Variants in OR1L6 observed in about 807,000 individuals in gnomAD.
The protein encoded by OR1L6 is olfactory receptor family 1 subfamily L member 6.
A neutral mutation model predicts 3.0 loss-of-function variants in OR1L6; 2 were observed. That is an observed-to-expected ratio of 0.68 (90% CI 0.28 to 2.13). The LOEUF is 2.13. Among genes scored for constraint, OR1L6 ranks in the 30% most tolerant of loss-of-function variants. The pLI is 0.14. For synonymous variants in OR1L6, 121 were observed against 148.4 expected (o/e 0.82, Z 1.34); for missense variants, 304 against 378.4 (o/e 0.80, Z 1.63).
chr9:122,748,936 T>C (rs1828862079), intron 1 of OR1L6, among the ~76,000 whole-genome samples: 1 of 150,396 alleles, frequency 6.6e-6, no homozygotes. Context: ...TATTCCATTG[T>C]GTGTGTGTGT....
At chr9:122,745,435 T>C (rs1480195089) in intron 1 of OR1L6, among the ~76,000 whole-genome samples, 1 of 102,738 alleles carries the variant, frequency 9.7e-6, no homozygotes, top group African/African-American at 4.0e-5. Context: ...TTATTTGAGA[T>C]GGAGTCTCGG....
chr9:122,749,570 T>G (rs1193050177), intron 1 of OR1L6, among the ~76,000 whole-genome samples: 2 of 152,006 alleles, frequency 1.3e-5, no homozygotes, highest in Non-Finnish European at 2.9e-5. Flanking sequence ...TAGCCGGGCG[T>G]GGTGGCGGAT....
At chr9:122,747,982 G>A (rs1279146939) in intron 1 of OR1L6, among the ~76,000 whole-genome samples, 1 of 151,918 alleles carries the variant, frequency 6.6e-6, no homozygotes, top group Non-Finnish European at 1.5e-5. Context: ...TTATAATCCT[G>A]TAATATTTGA....
chr9:122,743,505 A>G (rs1402447628), intron 1 of OR1L6, among the ~76,000 whole-genome samples: 2 of 152,242 alleles, frequency 1.3e-5, no homozygotes, highest in Admixed American at 1.3e-4. Flanking sequence ...AAGGACCTGC[A>G]GAATCCCCAA....
Position 122,750,779 on chromosome 9 carries a change from G to A in OR1L6, c.932G>A (p.Arg311Gln), listed in dbSNP as rs141765322. The A allele has an allele frequency of 9.7e-5, 154 of 1,594,924 alleles. No individual in the cohort carries two copies. The highest frequency in any genetic ancestry group is 1.2e-4 in the Non-Finnish European group (145 of 1,170,308). The part of the protein sequence containing the change: ...GLKKLQDRIY[R>Q] ...AAGAAATTACAGGACAGAATTTACCGGTAAAAGGAACAAAATGTTGGTGTG... is the reference window on the plus strand; with the variant it reads ...AAGAAATTACAGGACAGAATTTACCAGTAAAAGGAACAAAATGTTGGTGTG... The change falls in exon 2 of 2, where the codon CGG (arginine) becomes CAG (glutamine). Residue 311 changes from arginine (R) to glutamine (Q), a missense_variant. Physicochemically the swap from Arg to Gln is conservative, Grantham distance 43. Around this residue, in one of 3 missense-constraint regions of OR1L6, gnomAD observed 91 missense variants for 87.8 expected, o/e 1.04. Transcript: ENST00000304720.
chr9:122,745,704 A>G (rs1828830164), intron 1 of OR1L6, among the ~76,000 whole-genome samples: 1 of 151,838 alleles, frequency 6.6e-6, no homozygotes, highest in South Asian at 2.1e-4. Flanking sequence ...AAACCACCGC[A>G]CCCAGCCAAA....
At chr9:122,747,109 G>C (rs1456780515) in intron 1 of OR1L6, among the ~76,000 whole-genome samples, 1 of 152,084 alleles carries the variant, frequency 6.6e-6, no homozygotes, top group Non-Finnish European at 1.5e-5. Flanking sequence ...GTGTGGGTTA[G>C]ATAGAAATCT....
intron 1 of OR1L6, among the ~76,000 whole-genome samples, chr9:122,745,832 A>T (rs983790421): frequency 5.3e-5 from 8 of 152,158 alleles, no homozygotes; most frequent in African/African-American, 1.9e-4. Flanking sequence ...CAACAAACAC[A>T]TTAAAAAAAA....
Position 122,748,963 on chromosome 9 carries a change from G to A in OR1L6, c.-13-872G>A, listed in dbSNP as rs529789116. On this transcript the variant is annotated intron_variant, in intron 1 of 1. Coordinates refer to ENST00000304720, the MANE Select transcript of OR1L6 (RefSeq NM_001004453.3). The stretch of plus-strand genomic sequence containing the variant: ...TGTGTGTGTGTGTGTACACGTATAC[G>A]TACACACACCACTTCTTTTATTCAT... Among the ~76,000 whole-genome samples the A allele has an allele frequency of 3.4e-3, 524 of 151,962 alleles. 2 individuals carry two copies. The highest frequency in any genetic ancestry group is 0.012 in the African/African-American group (499 of 41,432).
intron 1 of OR1L6, among the ~76,000 whole-genome samples, chr9:122,746,134 GT>G (rs2118908242): frequency 6.6e-6 from 1 of 152,180 alleles, no homozygotes; most frequent in Admixed American, 6.5e-5. Context: ...TCTCTACCTT[GT>G]TTTTGTCACA....
chr9:122,743,307 G>C (rs930799307), intron 1 of OR1L6, among the ~76,000 whole-genome samples: 9 of 152,212 alleles, frequency 5.9e-5, no homozygotes. Flanking sequence ...ACCTGAGCTG[G>C]ATGAACTGGG....
In OR1L6 at chr9:122,750,740, T is replaced by A. The variant is rs766683105; in HGVS notation, c.893T>A (p.Met298Lys). 1.2e-5 allele frequency: 19 copies of A among 1,611,254 alleles called. No individual in the cohort carries two copies. The highest frequency in any genetic ancestry group is 2.2e-5 in the South Asian group (2 of 90,690). Residue 298 changes from methionine to lysine, a missense_variant, in exon 2 of 2, where the codon ATG becomes AAG. Coordinates refer to ENST00000304720, the MANE Select transcript of OR1L6 (RefSeq NM_001004453.3). ...ATCTACAGCCTGAGGAACAAAGATA[T>A]GAAGAGGGGTTTGAAGAAATTACAG... ...PFIYSLRNKD[M>K]KRGLKKLQDR...
At chr9:122,744,049 G>A (rs1407021709) in intron 1 of OR1L6, among the ~76,000 whole-genome samples, 1 of 152,190 alleles carries the variant, frequency 6.6e-6, no homozygotes, top group East Asian at 1.9e-4. Context: ...CCAGCTCTGT[G>A]ACTCTCTGAA....
chr9:122,744,564 A>T lies in OR1L6; in HGVS notation c.-14+2191A>T, dbSNP rs1588013832. On this transcript the variant is annotated intron_variant, in intron 1 of 1. Coordinates refer to ENST00000304720, the MANE Select transcript of OR1L6 (RefSeq NM_001004453.3). ...AAATAATCCACATTTCCTGTCTGTC[A>T]AGGAAGGGAGTAAATACCTTTTAAA... 3.9e-5 allele frequency among the ~76,000 whole-genome samples: 6 copies of T among 152,366 alleles called. 1 individual carries two copies. The South Asian group carries it at 1.2e-3, about 32-fold the overall frequency.
rs1828880214 is a variant in OR1L6 at position 122,750,308 on chromosome 9, A to G, written c.461A>G (p.His154Arg). The G allele has an allele frequency of 6.2e-7, 1 of 1,613,406 alleles. No individual in the cohort carries two copies. Residue 154 changes from histidine (H) to arginine (R), a missense_variant, in exon 2 of 2, where the codon CAC becomes CGC. By Grantham distance (29) the His-to-Arg change is conservative. Transcript: ENST00000304720. ...CTATTGGGTTCTTGCAGCATCTCCC[A>G]CCTACATTCCCTGTTCCGCGTGCTA... ...LMLLGSCSIS[H>R]LHSLFRVLLM...
At chr9:122,744,344 T>C (rs1040483743) in intron 1 of OR1L6, among the ~76,000 whole-genome samples, 1 of 152,134 alleles carries the variant, frequency 6.6e-6, no homozygotes, top group African/African-American at 2.4e-5. Flanking sequence ...TGTCAGTGCA[T>C]ACTCCCTGGT....
At chr9:122,744,129 T>G (rs1474223820) in intron 1 of OR1L6, among the ~76,000 whole-genome samples, 1 of 152,226 alleles carries the variant, frequency 6.6e-6, no homozygotes, top group East Asian at 1.9e-4. Context: ...GAGGATTAAA[T>G]GAAACAAGTG....
At chr9:122,748,230 A>G (rs1026433423) in intron 1 of OR1L6, among the ~76,000 whole-genome samples, 1 of 152,112 alleles carries the variant, frequency 6.6e-6, no homozygotes, top group African/African-American at 2.4e-5. Flanking sequence ...TGTGGACAAT[A>G]AGGAGCATTG....
At chr9:122,747,177 C>T (rs1250042846) in intron 1 of OR1L6, among the ~76,000 whole-genome samples, 2 of 152,034 alleles carry the variant, frequency 1.3e-5, no homozygotes, top group African/African-American at 4.8e-5. Flanking sequence ...ATATTCCATT[C>T]TTTCTTTGAT....
Sources: allele counts gnomAD v4.1 joint callset (sites outside exome capture counted in the v4.1 genomes callset), GRCh38; gene constraint gnomAD v4.1.1; regional missense constraint gnomAD v4.1.1; transcripts MANE v1.5; gene names NCBI Gene and HGNC (gene_info 2026-07-23, HGNC 2026-07-21).